Variants in MAPT observed in about 807,000 individuals in gnomAD.
The protein encoded by MAPT is microtubule-associated protein tau.
MAPT carries 34 observed loss-of-function variants against 67.9 expected under a neutral mutation model. That is an observed-to-expected ratio of 0.50 (90% CI 0.38 to 0.67). The LOEUF (loss-of-function observed/expected upper bound fraction) is 0.67, where lower values mean the gene tolerates loss of function less well. Ranked by LOEUF, MAPT falls within the 30% of genes least tolerant of loss-of-function variation. The probability of loss-of-function intolerance (pLI) is 0.00; values close to 1 mark genes in which losing one functional copy is unlikely to be tolerated. For synonymous variants in MAPT, 456 were observed against 464.5 expected, an observed-to-expected ratio of 0.98 and a Z score of 0.23; for missense variants, 881 against 1,115.2, an observed-to-expected ratio of 0.79 and a Z score of 2.99.
rs1037675955 is a variant in MAPT, at chr17:45,996,711, A to G, written c.1998+47A>G. 7 of 1,605,500 alleles carry G rather than the reference A, an allele frequency of 4.4e-6. No individual in the cohort carries two copies. The highest frequency in any genetic ancestry group is 8.5e-7 in the Non-Finnish European group (1 of 1,175,896). On this transcript the variant is annotated intron_variant, in intron 9 of 12. Transcript: ENST00000262410. The surrounding 1 kb of genome is among the most constrained non-coding windows in gnomAD (Gnocchi z 4.5). ...TGGAGGTGTGGGGGGCTGCGCCTGG[A>G]GGGGTAGGGCTGTGCCTGGAAGGGT... is the stretch of plus-strand genomic sequence containing the variant.
At chr17:45,913,450 T>C (rs1212482263) in intron 1 of MAPT, among the ~76,000 whole-genome samples, 1 of 152,182 alleles carries the variant, frequency 6.6e-6, no homozygotes, top group Non-Finnish European at 1.5e-5. Flanking sequence ...TCACGTGAAA[T>C]ATCGCCATTA....
At chr17:45,979,011 A>T (rs2072679457) in intron 4 of MAPT, 1 of 152,676 alleles carries the variant, frequency 6.5e-6, no homozygotes. Context: ...CTCAAAAAAA[A>T]AAAAGAAACT....
intron 1 of MAPT, among the ~76,000 whole-genome samples, chr17:45,909,022 C>T (rs543098308): frequency 6.6e-6 from 1 of 152,320 alleles, no homozygotes; most frequent in South Asian, 2.1e-4. Flanking sequence ...TATCATCAGT[C>T]CTGGCCCCGA....
At chr17:45,966,832 A>G (rs1018009651) in intron 2 of MAPT, among the ~76,000 whole-genome samples, 5 of 152,230 alleles carry the variant, frequency 3.3e-5, no homozygotes, top group Non-Finnish European at 7.3e-5. Flanking sequence ...TAAAAATGCA[A>G]AATCTAAATT....
intron 1 of MAPT, among the ~76,000 whole-genome samples, chr17:45,959,950 A>G (rs2070201237): frequency 6.6e-6 from 1 of 152,224 alleles, no homozygotes; most frequent in Non-Finnish European, 1.5e-5. Flanking sequence ...TGATGTTTAC[A>G]AAGGCTTTTA....
At chr17:45,895,048 C>CGTGT (rs10593245) in intron 1 of MAPT, 6,090 of 133,444 alleles carry the variant, frequency 0.046, 204 homozygotes, top group African/African-American at 0.087. Context: ...CCGCAATGGG[C>CGTGT]GTGTGTGTGT....
chr17:45,994,410 A>G (rs2074309074), intron 8 of MAPT, among the ~76,000 whole-genome samples: 1 of 152,218 alleles, frequency 6.6e-6, no homozygotes, highest in African/African-American at 2.4e-5. Context: ...CTGAGGAGGC[A>G]GAGAGGCTGA....
At chr17:45,938,751 C>A (rs1205251443) in intron 1 of MAPT, among the ~76,000 whole-genome samples, 1 of 151,874 alleles carries the variant, frequency 6.6e-6, no homozygotes, top group Non-Finnish European at 1.5e-5. Context: ...TCAGGTGATC[C>A]TCCCACCTCA....
intron 9 of MAPT, among the ~76,000 whole-genome samples, chr17:45,997,457 T>C (rs1158654207): frequency 6.6e-6 from 1 of 152,218 alleles, no homozygotes. Context: ...CATGCTCATC[T>C]TCTTATAAGA....
rs2076839959 is a variant in MAPT at position 46,027,147 on chromosome 17, T to C, written c.*2976T>C. On this transcript the variant is annotated 3_prime_UTR_variant, in exon 13 of 13. Coordinates refer to ENST00000262410, the MANE Select transcript of MAPT (RefSeq NM_001377265.1). ...ATTACTGCCAACAGTTTCGGCTGCA[T>C]TTCTTCACGCACCTCGGTTCCTCTT... 1 of 152,304 alleles carries C rather than the reference T, an allele frequency of 6.6e-6. No individual in the cohort carries two copies. The allele number at this position is 152,304 out of a possible 1,614,324, so 9.4% of individuals were successfully genotyped here.
At chr17:45,988,563 C>T (rs553773052) in intron 6 of MAPT, among the ~76,000 whole-genome samples, 10 of 152,306 alleles carry the variant, frequency 6.6e-5, no homozygotes, top group African/African-American at 2.2e-4. Context: ...TGGCTGCTTC[C>T]TCTTGTGGAA....
At chr17:45,946,615 A>AAAAAAAAAATATAT in intron 1 of MAPT, among the ~76,000 whole-genome samples, 14 of 100,400 alleles carry the variant, frequency 1.4e-4, no homozygotes, top group African/African-American at 5.7e-4. Flanking sequence ...AAAAAAAAAA[A>AAAAAAAAAATATAT]ATATATATAT....
intron 9 of MAPT, chr17:45,999,683 GC>G: frequency 6.4e-7 from 1 of 1,563,434 alleles, no homozygotes; most frequent in South Asian, 1.2e-5. Flanking sequence ...GCAGATGGGA[GC>G]CCCAGGTTAT....
chr17:45,963,199 A>G (rs772123415), intron 2 of MAPT, among the ~76,000 whole-genome samples: 4 of 152,232 alleles, frequency 2.6e-5, no homozygotes, highest in African/African-American at 2.4e-5. Flanking sequence ...CTGTAGCCAC[A>G]TTAATAAACA....
At chr17:45,903,737 C>A (rs111689007) in intron 1 of MAPT, among the ~76,000 whole-genome samples, 824 of 71,154 alleles carry the variant, frequency 0.012, 22 homozygotes, top group Non-Finnish European at 0.021. Flanking sequence ...AAAAAGGAAT[C>A]TCTTTGGTTT....
intron 9 of MAPT, among the ~76,000 whole-genome samples, chr17:46,000,535 C>T (rs1332423562): frequency 1.3e-5 from 2 of 152,132 alleles, no homozygotes; most frequent in African/African-American, 4.8e-5. Context: ...TCCCTCCAGA[C>T]TGTAAAAGGG....
intron 10 of MAPT, among the ~76,000 whole-genome samples, chr17:46,012,290 C>A (rs1246123192): frequency 6.6e-6 from 1 of 152,174 alleles, no homozygotes; most frequent in East Asian, 1.9e-4. Flanking sequence ...CATCTGGGAC[C>A]TCCCTGGGGC....
At chr17:45,993,297 T>A (rs1228268646) in intron 8 of MAPT, among the ~76,000 whole-genome samples, 1 of 152,244 alleles carries the variant, frequency 6.6e-6, no homozygotes, top group African/African-American at 2.4e-5. Flanking sequence ...CTGGTGTTTT[T>A]CTCATATACA....
chr17:45,975,147 C>T (rs907920567), intron 3 of MAPT: 18 of 152,308 alleles, frequency 1.2e-4, no homozygotes, highest in Admixed American at 5.9e-4. Flanking sequence ...GCCTGGAGCT[C>T]CTGGAGTCAT....
Sources: gnomAD v4.1 joint callset for allele counts (sites outside exome capture counted in the v4.1 genomes callset) on GRCh38, gnomAD v4.1.1 for gene constraint, Gnocchi (gnomAD v3.1) non-coding constraint, MANE v1.5 for transcripts, NCBI Gene and HGNC (gene_info 2026-07-23, HGNC 2026-07-21) for gene names.